ATP8A2: variants seen among roughly 807,000 people sequenced by gnomAD.
ATP8A2 encodes the protein phospholipid-transporting ATPase IB.
In ATP8A2, 100 loss-of-function variants were observed where a neutral mutation model predicts 165.6. That is an observed-to-expected ratio of 0.60 (90% confidence interval 0.51 to 0.71). The LOEUF is 0.71. Ranked by LOEUF, ATP8A2 falls within the 30% of genes least tolerant of loss-of-function variation. The probability of loss-of-function intolerance (pLI) is 0.00; values close to 1 mark genes in which losing one functional copy is unlikely to be tolerated. For synonymous variants in ATP8A2, 543 were observed against 548.8 expected (o/e 0.99, Z 0.15); for missense variants, 1,227 against 1,479.5 (o/e 0.83, Z 2.80).
intron 24 of ATP8A2, among the ~76,000 whole-genome samples, chr13:25,599,462 A>T (rs1434283635): frequency 6.6e-6 from 1 of 152,244 alleles, no homozygotes; most frequent in Non-Finnish European, 1.5e-5. Context: ...AGTGTGTTTC[A>T]TACACTTTCC....
chr13:25,718,042 TG>T (rs2043293183), intron 25 of ATP8A2, among the ~76,000 whole-genome samples: 4 of 152,200 alleles, frequency 2.6e-5, no homozygotes, highest in African/African-American at 7.2e-5. Flanking sequence ...AGGAAGGGTC[TG>T]GGCATGGTGT....
At chr13:25,726,622 G>C (rs1380795998) in intron 25 of ATP8A2, among the ~76,000 whole-genome samples, 1 of 151,904 alleles carries the variant, frequency 6.6e-6, no homozygotes, top group Admixed American at 6.6e-5. Context: ...TCTCTCTGTG[G>C]ACACTTGGAA....
intron 1 of ATP8A2, among the ~76,000 whole-genome samples, chr13:25,462,201 C>A (rs1016154145): frequency 1.5e-4 from 23 of 152,172 alleles, no homozygotes; most frequent in African/African-American, 5.3e-4. Flanking sequence ...GAAATGTGTG[C>A]AATGCAGTTC....
At chr13:25,562,058 T>C (rs1280982114) in intron 15 of ATP8A2, among the ~76,000 whole-genome samples, 1 of 152,238 alleles carries the variant, frequency 6.6e-6, no homozygotes, top group Non-Finnish European at 1.5e-5. Context: ...TTTTGGCTAC[T>C]GTGAATAACG....
chr13:25,452,391 T>C (rs2035252859), intron 1 of ATP8A2, among the ~76,000 whole-genome samples: 2 of 152,220 alleles, frequency 1.3e-5, no homozygotes, highest in African/African-American at 4.8e-5. Context: ...CAAAATACTT[T>C]TTTTTCTATT....
At chr13:25,878,141 G>C (rs1170484024) in intron 33 of ATP8A2, among the ~76,000 whole-genome samples, 2 of 152,096 alleles carry the variant, frequency 1.3e-5, no homozygotes, top group Non-Finnish European at 2.9e-5. Flanking sequence ...AAGACAACTC[G>C]GGAAGTGTCT....
At chr13:25,665,527 T>C (rs1467955306) in intron 24 of ATP8A2, among the ~76,000 whole-genome samples, 3 of 152,176 alleles carry the variant, frequency 2.0e-5, no homozygotes, top group Non-Finnish European at 2.9e-5. Flanking sequence ...CCCTGGTACA[T>C]GACTTTCTTT....
intron 33 of ATP8A2, among the ~76,000 whole-genome samples, chr13:25,884,726 A>G (rs991639379): frequency 2.0e-5 from 3 of 152,220 alleles, no homozygotes; most frequent in African/African-American, 7.2e-5. Context: ...TTTGAAAAGT[A>G]AAATTCGTGA....
chr13:25,689,309 T>C (rs1018588813), intron 24 of ATP8A2, among the ~76,000 whole-genome samples: 4 of 152,252 alleles, frequency 2.6e-5, no homozygotes, highest in Non-Finnish European at 5.9e-5. Flanking sequence ...AGAACATATA[T>C]TAACATTTGT....
rs563191857 is a variant in ATP8A2, at chr13:25,600,178, G to A, written c.2211+10479G>A. ...CCCAACATCTCTTCCTGCAAATAAAGTTTCATTGAACACAGACATCCCCAA... is the reference window on the plus strand; with the variant it reads ...CCCAACATCTCTTCCTGCAAATAAAATTTCATTGAACACAGACATCCCCAA... On this transcript the variant is annotated intron_variant, in intron 24 of 36. Coordinates refer to ENST00000381655, the MANE Select transcript of ATP8A2 (RefSeq NM_016529.6). Among the ~76,000 whole-genome samples the A allele has an allele frequency of 2.0e-5, 3 of 152,324 alleles. No individual in the cohort carries two copies. In the East Asian group the frequency reaches 5.8e-4, roughly 29 times the overall value.
intron 1 of ATP8A2, among the ~76,000 whole-genome samples, chr13:25,418,686 A>G (rs2034206595): frequency 6.6e-6 from 1 of 152,210 alleles, no homozygotes. Flanking sequence ...CAGCATTTGC[A>G]TGTCTACAGA....
At position 25,934,614 on chromosome 13, in the gene ATP8A2, C is replaced by T. The variant is rs1032295499; in HGVS notation, c.3184-26961C>T. 5.3e-5 allele frequency among the ~76,000 whole-genome samples: 8 copies of T among 152,184 alleles called. No individual in the cohort carries two copies. The East Asian group carries it at 9.6e-4, about 18-fold the overall frequency. On this transcript the variant is annotated intron_variant, in intron 33 of 36. Coordinates refer to ENST00000381655, the MANE Select transcript of ATP8A2 (RefSeq NM_016529.6). Reference sequence around the variant, plus strand: ...ATTAAATGAAGGGAAGGCCAGTGACCAGCACAGTGCCTGACAAATGGTCAT... The same window carrying T: ...ATTAAATGAAGGGAAGGCCAGTGACTAGCACAGTGCCTGACAAATGGTCAT...
Position 25,372,291 on chromosome 13 carries a change from G to A in ATP8A2, c.76+3G>A. The A allele has an allele frequency of 6.8e-7, 1 of 1,465,088 alleles. No individual in the cohort carries two copies. The highest frequency in any genetic ancestry group is 9.1e-7 in the Non-Finnish European group (1 of 1,103,228). 90.8% of individuals were successfully genotyped at this position (1,465,088 alleles called of 1,614,324 possible). A position where few individuals can be genotyped will look rare whatever the true frequency, so the allele number is the denominator to read the frequency against. On this transcript the variant is annotated splice_donor_region_variant and intron_variant, in intron 1 of 36. Coordinates refer to ENST00000381655, the MANE Select transcript of ATP8A2 (RefSeq NM_016529.6). The surrounding 1 kb of genome is among the most constrained non-coding windows in gnomAD (Gnocchi z 4.8). ...GTCGAGGATCCGCTCGTCCGTGGGT[G>A]AGCTGGGAGGGGCGCGGCGAGGGAG... is the stretch of plus-strand genomic sequence containing the variant.
rs201905932 is a variant in ATP8A2 at position 25,655,728 on chromosome 13, T to TA, written c.2212-43431dup. 4.5e-3 allele frequency among the ~76,000 whole-genome samples: 588 copies of TA among 131,504 alleles called. 2 individuals carry two copies. Among genetic ancestry groups the TA allele is most frequent in the Middle Eastern group, 0.027 (7 of 264 alleles). The allele number at this position is 131,504 out of a possible 152,430, so 86.3% of individuals were successfully genotyped here. On this transcript the variant is annotated intron_variant, in intron 24 of 36. Transcript: ENST00000381655. Reference sequence around the variant, plus strand: ...CTTGTGGCCCCAAACTAAATCTCTTTAAAAAAAAAAAAAAGCAAAAAACCC... The same window carrying TA: ...CTTGTGGCCCCAAACTAAATCTCTTTAAAAAAAAAAAAAAAGCAAAAAACCC...
intron 24 of ATP8A2, among the ~76,000 whole-genome samples, chr13:25,616,326 CTTTTTT>C (rs535891442): frequency 2.8e-5 from 3 of 106,736 alleles, no homozygotes; most frequent in Non-Finnish European, 5.6e-5. Context: ...TTCTTTCTTT[CTTTTTT>C]TTTTTTTTTT....
In ATP8A2 at chr13:25,715,628, C is replaced by T. The variant is rs577883813; in HGVS notation, c.2384+16283C>T. ...AAAGTCTTCAAAGGGTCATTCATGT[C>T]GTAGCATTTCAATTCTTTTTATTGC... is the stretch of plus-strand genomic sequence containing the variant. On this transcript the variant is annotated intron_variant, in intron 25 of 36. Coordinates refer to ENST00000381655, the MANE Select transcript of ATP8A2 (RefSeq NM_016529.6). 2.9e-4 allele frequency among the ~76,000 whole-genome samples: 44 copies of T among 152,280 alleles called. No individual in the cohort carries two copies. The East Asian group carries it at 4.4e-3, about 15-fold the overall frequency.
At chr13:25,422,122 C>CT (rs1365961180) in intron 1 of ATP8A2, among the ~76,000 whole-genome samples, 1 of 151,988 alleles carries the variant, frequency 6.6e-6, no homozygotes, top group Admixed American at 6.6e-5. Flanking sequence ...ATTGCCCCCT[C>CT]TTTTTTTTCT....
At position 25,514,726 on chromosome 13, in the gene ATP8A2, A is replaced by G. The variant is rs144152033; in HGVS notation, c.222-15273A>G. Among the ~76,000 whole-genome samples, 52 of 152,086 alleles carry G rather than the reference A, an allele frequency of 3.4e-4. 1 individual carries two copies. The East Asian group carries it at 0.01, about 29-fold the overall frequency. ...CCTGTGTGAGCTCCTCTGTGTATGG[A>G]CTTCAAATACCTCCCTTTGCTTTCT... is the stretch of plus-strand genomic sequence containing the variant. On this transcript the variant is annotated intron_variant, in intron 2 of 36. Transcript: ENST00000381655.
intron 1 of ATP8A2, among the ~76,000 whole-genome samples, chr13:25,393,133 C>CTTTTTT (rs113512127): frequency 0.23 from 32,067 of 138,002 alleles, 4,032 homozygotes; most frequent in African/African-American, 0.31. Flanking sequence ...TATTTACATA[C>CTTTTTT]TTTTTTTTTT....
Sources: gnomAD v4.1 joint callset for allele counts (sites outside exome capture counted in the v4.1 genomes callset) on GRCh38, gnomAD v4.1.1 for gene constraint, Gnocchi (gnomAD v3.1) non-coding constraint, MANE v1.5 for transcripts, NCBI Gene and HGNC (gene_info 2026-07-23, HGNC 2026-07-21) for gene names.